Variants in ERCC6L2 observed in about 807,000 individuals in gnomAD.
ERCC6L2 encodes the protein DNA excision repair protein ERCC-6-like 2.
Under a neutral mutation model 132.0 loss-of-function variants are expected in ERCC6L2, and 77 were observed. The ratio of observed to expected loss-of-function variants is 0.58; its 90% CI spans 0.49 to 0.71. The LOEUF is 0.71. Among genes scored for constraint, ERCC6L2 ranks in the 30% least tolerant of loss-of-function variants. The pLI is 0.00. For missense variants in ERCC6L2, 1,542 were observed against 1,837.6 expected (o/e 0.84, Z 2.94); for synonymous variants, 583 against 632.4 (o/e 0.92, Z 1.17).
chr9:96,030,120 TA>T (rs1427388747), intron 19 of ERCC6L2, among the ~76,000 whole-genome samples: 1 of 152,178 alleles, frequency 6.6e-6, no homozygotes, highest in African/African-American at 2.4e-5. Flanking sequence ...GTTAGGATTG[TA>T]AAACGCACCA....
In ERCC6L2 at chr9:96,011,736, C is replaced by A. The variant is rs137919701; in HGVS notation, c.3675-489C>A. 3.0e-4 allele frequency among the ~76,000 whole-genome samples: 45 copies of A among 152,186 alleles called. No individual in the cohort carries two copies. The East Asian group carries it at 8.7e-3, about 29-fold the overall frequency. On this transcript the variant is annotated intron_variant, in intron 18 of 18. Coordinates refer to ENST00000653738, the MANE Select transcript of ERCC6L2 (RefSeq NM_020207.7). The stretch of plus-strand genomic sequence containing the variant: ...CTCATCAAAAAGTCTTGTGCGATTT[C>A]TATGTTGTATTTGTAAAAGAAGGGG...
At chr9:95,987,215 C>T (rs1417668495) in intron 17 of ERCC6L2, among the ~76,000 whole-genome samples, 1 of 152,146 alleles carries the variant, frequency 6.6e-6, no homozygotes, top group Non-Finnish European at 1.5e-5. Flanking sequence ...ATCTCATGTC[C>T]TCACATTTCA....
intron 3 of ERCC6L2, among the ~76,000 whole-genome samples, chr9:95,901,745 T>G (rs1828790501): frequency 6.6e-6 from 1 of 152,242 alleles, no homozygotes; most frequent in African/African-American, 2.4e-5. Flanking sequence ...ATGTTTGTTC[T>G]TTTGTTTCAT....
chr9:95,999,373 A>T (rs937906427), intron 17 of ERCC6L2, among the ~76,000 whole-genome samples: 3 of 151,856 alleles, frequency 2.0e-5, no homozygotes, highest in East Asian at 1.9e-4. Flanking sequence ...AAAAAAAAAA[A>T]TTTCCTTTTA....
At chr9:95,889,154 C>T (rs1828028513) in intron 2 of ERCC6L2, among the ~76,000 whole-genome samples, 1 of 152,156 alleles carries the variant, frequency 6.6e-6, no homozygotes, top group East Asian at 1.9e-4. Flanking sequence ...AAATATCTTC[C>T]AAAGATCTGA....
intron 14 of ERCC6L2, among the ~76,000 whole-genome samples, chr9:95,969,356 G>C (rs1026803219): frequency 6.9e-4 from 105 of 152,318 alleles, no homozygotes; most frequent in African/African-American, 2.4e-3. Context: ...CAGTTAGGAG[G>C]ATACTGCAGT....
chr9:95,956,930 T>C (rs889314113), intron 13 of ERCC6L2, among the ~76,000 whole-genome samples: 3 of 152,222 alleles, frequency 2.0e-5, no homozygotes, highest in Non-Finnish European at 4.4e-5. Flanking sequence ...ATTTTCTACA[T>C]GTGCCATCAC....
chr9:96,032,138 C>T (rs1221085702), intron 19 of ERCC6L2, among the ~76,000 whole-genome samples: 1 of 152,146 alleles, frequency 6.6e-6, no homozygotes, highest in Admixed American at 6.5e-5. Context: ...CCCGCCACCT[C>T]ACCTTCCACA....
chr9:95,963,937 C>T (rs186233332), intron 13 of ERCC6L2, among the ~76,000 whole-genome samples: 25 of 152,234 alleles, frequency 1.6e-4, no homozygotes, highest in Admixed American at 1.4e-3. Context: ...TAACCTTGAT[C>T]GCAGGTCAAG....
chr9:95,915,921 C>CA, intron 5 of ERCC6L2, 92 bp downstream of exon 5: 1 of 1,266,004 alleles, frequency 7.9e-7, no homozygotes, highest in African/African-American at 1.5e-5. Flanking sequence ...ACAAACGAAA[C>CA]AGTCATTTGT....
chr9:95,940,222 G>A (rs370667901), intron 11 of ERCC6L2, among the ~76,000 whole-genome samples: 1 of 152,186 alleles, frequency 6.6e-6, no homozygotes, highest in East Asian at 1.9e-4. Flanking sequence ...TAGGGATGGG[G>A]CTGCAGATTG....
intron 12 of ERCC6L2, 56 bp downstream of exon 12, chr9:95,941,605 T>C (rs972230439): frequency 7.7e-7 from 1 of 1,303,182 alleles, no homozygotes; most frequent in African/African-American, 1.5e-5. Flanking sequence ...CTAAAAATAC[T>C]CTTGAACTTT....
chr9:95,920,260 C>T (rs1381462641), intron 6 of ERCC6L2, among the ~76,000 whole-genome samples: 1 of 152,168 alleles, frequency 6.6e-6, no homozygotes, highest in East Asian at 1.9e-4. Context: ...CATGAGAAAA[C>T]AAGACCAGCC....
chr9:95,928,099 T>A lies in ERCC6L2; in HGVS notation c.1554T>A (p.Asn518Lys), dbSNP rs1355589309. ...TTCAGGTCCTTCAGCAGCTTTTAAA[T>A]CATTGCAGGAAAAACAGAGATAAAG... ...GKMKVLQQLL[N>K]HCRKNRDKVL... The change falls in exon 10 of 19, where the codon AAT (asparagine) becomes AAA (lysine). Residue 518 changes from asparagine (N) to lysine (K), a missense_variant. Physicochemically the swap from Asn to Lys is moderately conservative, Grantham distance 94. Coordinates refer to ENST00000653738, the MANE Select transcript of ERCC6L2 (RefSeq NM_020207.7). 1 of 1,613,072 alleles carries A rather than the reference T, an allele frequency of 6.2e-7. No individual in the cohort carries two copies. The highest frequency in any genetic ancestry group is 2.2e-5 in the East Asian group (1 of 44,752).
intron 2 of ERCC6L2, among the ~76,000 whole-genome samples, chr9:95,885,676 G>A (rs1442140903): frequency 1.3e-5 from 2 of 152,208 alleles, no homozygotes; most frequent in Non-Finnish European, 2.9e-5. Flanking sequence ...AGACAACTCA[G>A]TGATAGGAAA....
At chr9:95,891,426 T>C (rs1456202345) in intron 2 of ERCC6L2, among the ~76,000 whole-genome samples, 1 of 152,244 alleles carries the variant, frequency 6.6e-6, no homozygotes, top group Admixed American at 6.5e-5. Flanking sequence ...ATTGAGTGCA[T>C]TTAATGCATT....
rs1384608116 is a variant in ERCC6L2, at chr9:96,004,598, C to T, written c.3571C>T (p.Leu1191Phe). ...GQQPSEGSIS[L>F]PLYISNPVNQ... Reference sequence around the variant, plus strand: ...GCAACCGAGTGAAGGCAGCATTTCACTTCCTCTTTACATTTCAAATCCTGT... The same window carrying T: ...GCAACCGAGTGAAGGCAGCATTTCATTTCCTCTTTACATTTCAAATCCTGT... Residue 1191 changes from leucine (L) to phenylalanine (F), a missense_variant, in exon 18 of 19, where the codon CTT becomes TTT. By Grantham distance (22) the Leu-to-Phe change is conservative. Transcript: ENST00000653738. 2.3e-6 allele frequency: 3 copies of T among 1,315,548 alleles called. No individual in the cohort carries two copies. In the Admixed American group the frequency reaches 6.7e-5, roughly 29 times the overall value. The allele number at this position is 1,315,548 out of a possible 1,614,324, so 81.5% of individuals were successfully genotyped here. A position where few individuals can be genotyped will look rare whatever the true frequency, so the allele number is the denominator to read the frequency against.
intron 14 of ERCC6L2, chr9:95,968,880 CAATA>C (rs1471067823): frequency 6.6e-6 from 1 of 151,866 alleles, no homozygotes; most frequent in Admixed American, 6.6e-5. Context: ...AAATGATAAA[CAATA>C]AATAAGTGAA....
At chr9:95,974,705 C>T (rs1414129332) in intron 16 of ERCC6L2, among the ~76,000 whole-genome samples, 1 of 148,170 alleles carries the variant, frequency 6.7e-6, no homozygotes, top group Non-Finnish European at 1.5e-5. Context: ...ATTTTTGGGC[C>T]TTTTCAGTGG....
Sources: gnomAD v4.1 joint callset for allele counts (sites outside exome capture counted in the v4.1 genomes callset) on GRCh38, gnomAD v4.1.1 for gene constraint, MANE v1.5 for transcripts, NCBI Gene and HGNC (gene_info 2026-07-23, HGNC 2026-07-21) for gene names.